The following PCDH8 variants were observed in gnomAD, a reference collection of about 807,000 sequenced individuals.
PCDH8 encodes protocadherin 8.
A neutral mutation model predicts 58.2 loss-of-function variants in PCDH8; 36 were observed. That is an observed-to-expected ratio of 0.62 (90% CI 0.47 to 0.82). PCDH8 has a LOEUF of 0.82. Ranked by LOEUF, PCDH8 falls within the 40% of genes least tolerant of loss-of-function variation. The pLI is 0.00. For synonymous variants in PCDH8, 775 were observed against 728.9 expected, an observed-to-expected ratio of 1.06 and a Z score of -1.02; for missense variants, 1,493 against 1,567.8, an observed-to-expected ratio of 0.95 and a Z score of 0.81.
rs765306356 is a variant in PCDH8 at position 52,846,065 on chromosome 13, C to A, written c.2372G>T (p.Arg791Leu). ...VRKGGALREE[R>L]PGAAGGGASA... is the part of the protein sequence containing the mutation. ...GGCTCCGCCGCCCGCCGCCCCGGGC[C>A]GCTCTTCCCGGAGGGCCCCCCCTTT... Residue 791 changes from arginine to leucine, a missense_variant, in exon 1 of 3, where the codon CGG becomes CTG. Arg to Leu is a moderately radical substitution (Grantham distance 102, BLOSUM62 -2). Coordinates refer to ENST00000377942, the MANE Select transcript of PCDH8 (RefSeq NM_002590.4). 22 of 1,536,332 alleles carry A rather than the reference C, an allele frequency of 1.4e-5. No homozygotes were observed. In the East Asian group the frequency reaches 3.7e-4, roughly 26 times the overall value.
chr13:52,847,145 A>G lies in PCDH8; in HGVS notation c.1292T>C (p.Leu431Pro). Residue 431 changes from leucine (L) to proline (P), a missense_variant, in exon 1 of 3, where the codon CTC becomes CCC. Physicochemically the swap from Leu to Pro is moderately conservative, Grantham distance 98. Coordinates refer to ENST00000377942, the MANE Select transcript of PCDH8 (RefSeq NM_002590.4). The stretch of plus-strand genomic sequence containing the variant: ...CAGCCGGAAGTGCTCGTGCCCATAG[A>G]GGGCGCAGCGCACTTGCCCGTTGGC... ...SGANGQVRCA[L>P]YGHEHFRLQP... The G allele has an allele frequency of 1.3e-6, 2 of 1,533,840 alleles. No homozygotes were observed. The highest frequency in any genetic ancestry group is 8.7e-7 in the Non-Finnish European group (1 of 1,148,464).
chr13:52,843,784 T>C lies in PCDH8; in HGVS notation c.*776A>G, dbSNP rs534983127. 6.6e-6 allele frequency: 1 copy of C among 152,352 alleles called. No individual in the cohort carries two copies. The highest frequency in any genetic ancestry group is 2.1e-4 in the South Asian group (1 of 4,830). The allele number at this position is 152,352 out of a possible 1,614,324, so 9.4% of individuals were successfully genotyped here. A position where few individuals can be genotyped will look rare whatever the true frequency, so the allele number is the denominator to read the frequency against. ...CTAATACATATGGAGATGCACATAA[T>C]TTATGAAATCAACACACGTTTTTAA... On this transcript the variant is annotated 3_prime_UTR_variant, in exon 3 of 3. Transcript: ENST00000377942.
chr13:52,847,491 G>T lies in PCDH8; in HGVS notation c.946C>A (p.Arg316Ser), dbSNP rs367929665. 9.7e-5 allele frequency: 154 copies of T among 1,591,234 alleles called. No individual in the cohort carries two copies. In the Middle Eastern group the frequency reaches 2.0e-3, roughly 21 times the overall value. ...ACGTCCAGCTCGTAGGTGTCCTGAC[G>T]CTCGTAGTCCACGGGCCCGGCCAGG... ...LTLAGPVDYE[R>S]QDTYELDVRA... Residue 316 changes from arginine (R) to serine (S), a missense_variant, in exon 1 of 3, where the codon CGT becomes AGT. This residue lies in a region of PCDH8 where 1,307 missense variants were observed against 1,362.7 expected (regional missense o/e 0.96). Coordinates refer to ENST00000377942, the MANE Select transcript of PCDH8 (RefSeq NM_002590.4).
chr13:52,844,748 G>C lies in PCDH8; in HGVS notation c.3025C>G (p.Pro1009Ala). ...ACGCTCTGCAGCCCCACTGTCTTGG[G>C]CAGCTGGGCCTGGTAGTAATTGTCC... ...RRDNYYQAQLPKTVGLQSVYE... is the reference protein window; with the variant it reads ...RRDNYYQAQLAKTVGLQSVYE... Residue 1009 changes from proline to alanine, a missense_variant, in exon 3 of 3, where the codon CCC becomes GCC. Pro to Ala is a conservative substitution (Grantham distance 27). Around this residue, in one of 3 missense-constraint regions of PCDH8, gnomAD observed 182 missense variants for 178.9 expected, o/e 1.02. Transcript: ENST00000377942. 1.9e-6 allele frequency: 3 copies of C among 1,613,578 alleles called. No homozygotes were observed. Among genetic ancestry groups the C allele is most frequent in the South Asian group, 1.1e-5 (1 of 91,006 alleles).
In PCDH8 at chr13:52,847,227, C is replaced by A; in HGVS notation, c.1210G>T (p.Gly404Trp). The stretch of plus-strand genomic sequence containing the variant: ...GCCACCAGGCTCTCGCGCGCCGCCC[C>A]CTCCGGCACCAGCGAAGTGGCACCA... ...EAGATSLVPE[G>W]AARESLVALV... The change falls in exon 1 of 3, where the codon GGG (glycine) becomes TGG (tryptophan). Residue 404 changes from glycine to tryptophan, a missense_variant. Gly to Trp is a radical substitution (Grantham distance 184). Coordinates refer to ENST00000377942, the MANE Select transcript of PCDH8 (RefSeq NM_002590.4). 1 of 1,397,294 alleles carries A rather than the reference C, an allele frequency of 7.2e-7. No individual in the cohort carries two copies. Among genetic ancestry groups the A allele is most frequent in the Non-Finnish European group, 9.2e-7 (1 of 1,083,180 alleles). 86.6% of individuals were successfully genotyped at this position (1,397,294 alleles called of 1,614,324 possible). A position where few individuals can be genotyped will look rare whatever the true frequency, so the allele number is the denominator to read the frequency against.
In PCDH8 at chr13:52,847,250, C is replaced by T. The variant is rs1311544959; in HGVS notation, c.1187G>A (p.Gly396Asp). The T allele has an allele frequency of 7.2e-7, 1 of 1,383,480 alleles. No individual in the cohort carries two copies. The highest frequency in any genetic ancestry group is 9.3e-7 in the Non-Finnish European group (1 of 1,075,532). 85.7% of individuals were successfully genotyped at this position (1,383,480 alleles called of 1,614,324 possible). A position where few individuals can be genotyped will look rare whatever the true frequency, so the allele number is the denominator to read the frequency against. The stretch of plus-strand genomic sequence containing the variant: ...CCCCTCCGGCACCAGCGAAGTGGCA[C>T]CAGCCTCCGGCGTCCCGGCTCCCGC... ...SPAGAGTPEA[G>D]ATSLVPEGAA... The change falls in exon 1 of 3, where the codon GGT becomes GAT. Residue 396 changes from glycine (G) to aspartate (D), a missense_variant. Gly to Asp is a moderately conservative substitution (Grantham distance 94). This residue lies in a region of PCDH8 where 1,307 missense variants were observed against 1,362.7 expected (regional missense o/e 0.96). Coordinates refer to ENST00000377942, the MANE Select transcript of PCDH8 (RefSeq NM_002590.4).
rs777553845 is a variant in PCDH8, at chr13:52,846,879, C to T, written c.1558G>A (p.Ala520Thr). 3 of 1,556,156 alleles carry T rather than the reference C, an allele frequency of 1.9e-6. No individual in the cohort carries two copies. The highest frequency in any genetic ancestry group is 1.7e-6 in the Non-Finnish European group (2 of 1,154,950). ...NPPGAYLATVAARDRDLGRNG... is the reference protein window; with the variant it reads ...NPPGAYLATVTARDRDLGRNG... Reference sequence around the variant, plus strand: ...CGGCCCAGGTCCCGGTCGCGGGCGGCCACCGTGGCCAGGTAGGCGCCTGGC... The same window carrying T: ...CGGCCCAGGTCCCGGTCGCGGGCGGTCACCGTGGCCAGGTAGGCGCCTGGC... The change falls in exon 1 of 3, where the codon GCC becomes ACC. Residue 520 changes from alanine to threonine, a missense_variant. Ala to Thr is a moderately conservative substitution (Grantham distance 58, BLOSUM62 0). Around this residue, in one of 3 missense-constraint regions of PCDH8, gnomAD observed 1,307 missense variants for 1,362.7 expected, o/e 0.96. Coordinates refer to ENST00000377942, the MANE Select transcript of PCDH8 (RefSeq NM_002590.4).
Position 52,847,535 on chromosome 13 carries a change from G to A in PCDH8, c.902C>T (p.Pro301Leu), listed in dbSNP as rs1256819677. 6.3e-7 allele frequency: 1 copy of A among 1,578,840 alleles called. No individual in the cohort carries two copies. The highest frequency in any genetic ancestry group is 1.1e-5 in the South Asian group (1 of 87,644). ...GGCCAGGGTGAGGCGGCCTGATCGC[G>A]GGTCAAGCCGAAAGAGGCGGCGCGC... is the stretch of plus-strand genomic sequence containing the variant. ...PEARRLFRLD[P>L]RSGRLTLAGP... Residue 301 changes from proline (P) to leucine (L), a missense_variant, in exon 1 of 3, where the codon CCG becomes CTG. Pro to Leu is a moderately conservative substitution (Grantham distance 98, BLOSUM62 -3). Coordinates refer to ENST00000377942, the MANE Select transcript of PCDH8 (RefSeq NM_002590.4).
Position 52,847,315 on chromosome 13 carries a change from G to GGCGGCA in PCDH8, c.1116_1121dup (p.Ala377_Ala378dup). 1 of 1,407,728 alleles carries GGCGGCA rather than the reference G, an allele frequency of 7.1e-7. No individual in the cohort carries two copies. The highest frequency in any genetic ancestry group is 1.6e-5 in the South Asian group (1 of 63,056). 87.2% of individuals were successfully genotyped at this position (1,407,728 alleles called of 1,614,324 possible). On this transcript the variant is annotated inframe_insertion, in exon 1 of 3. Coordinates refer to ENST00000377942, the MANE Select transcript of PCDH8 (RefSeq NM_002590.4). The stretch of plus-strand genomic sequence containing the variant: ...CCGCTCCCCCGAGTGCAGCGGCGGC[G>GGCGGCA]GCGGCAGCGGCGAAGGGTGAGGTTG...
Position 52,847,487 on chromosome 13 carries a change from T to G in PCDH8, c.950A>C (p.Gln317Pro). ...TLAGPVDYERQDTYELDVRAQ... is the reference protein window; with the variant it reads ...TLAGPVDYERPDTYELDVRAQ... ...CCGCACGTCCAGCTCGTAGGTGTCC[T>G]GACGCTCGTAGTCCACGGGCCCGGC... is the stretch of plus-strand genomic sequence containing the variant. The change falls in exon 1 of 3, where the codon CAG becomes CCG. Residue 317 changes from glutamine (Q) to proline (P), a missense_variant. By Grantham distance (76) the Gln-to-Pro change is moderately conservative (BLOSUM62 -1). Around this residue, in one of 3 missense-constraint regions of PCDH8, gnomAD observed 1,307 missense variants for 1,362.7 expected, o/e 0.96. Coordinates refer to ENST00000377942, the MANE Select transcript of PCDH8 (RefSeq NM_002590.4). 6.3e-7 allele frequency: 1 copy of G among 1,591,724 alleles called. No individual in the cohort carries two copies. The highest frequency in any genetic ancestry group is 8.5e-7 in the Non-Finnish European group (1 of 1,175,370).
Position 52,846,998 on chromosome 13 carries a change from A to G in PCDH8, c.1439T>C (p.Val480Ala). Reference sequence around the variant, plus strand: ...GCCCACACGCACCGTGTAGGGCCGCACTGTGCGCAGCGGGGGCGCGCCGCG... The same window carrying G: ...GCCCACACGCACCGTGTAGGGCCGCGCTGTGCGCAGCGGGGGCGCGCCGCG... ...EDRGAPPLRT[V>A]RPYTVRVGDE... The change falls in exon 1 of 3, where the codon GTG becomes GCG. Residue 480 changes from valine to alanine, a missense_variant. Around this residue, in one of 3 missense-constraint regions of PCDH8, gnomAD observed 1,307 missense variants for 1,362.7 expected, o/e 0.96. Transcript: ENST00000377942. The G allele has an allele frequency of 6.3e-7, 1 of 1,583,402 alleles. No homozygotes were observed.
Position 52,847,174 on chromosome 13 carries a change from C to T in PCDH8, c.1263G>A (p.Ser421=). Residue 421 remains serine, a synonymous_variant, in exon 1 of 3, where the codon TCG becomes TCA. Coordinates refer to ENST00000377942, the MANE Select transcript of PCDH8 (RefSeq NM_002590.4). ...CGCAGCGCACTTGCCCGTTGGCGCC[C>T]GAGTCCCTGTCCGAGGTGCTGACCA... The part of the protein sequence containing the change: ...VALVSTSDRD[S]GANGQVRCAL... 2.0e-6 allele frequency: 3 copies of T among 1,490,124 alleles called. No individual in the cohort carries two copies. Among genetic ancestry groups the T allele is most frequent in the South Asian group, 1.3e-5 (1 of 75,150 alleles). The allele number at this position is 1,490,124 out of a possible 1,614,324, so 92.3% of individuals were successfully genotyped here. A position where few individuals can be genotyped will look rare whatever the true frequency, so the allele number is the denominator to read the frequency against.
chr13:52,847,832 T>G lies in PCDH8; in HGVS notation c.605A>C (p.Glu202Ala). 6.7e-7 allele frequency: 1 copy of G among 1,496,144 alleles called. No individual in the cohort carries two copies. Among genetic ancestry groups the G allele is most frequent in the South Asian group, 1.3e-5 (1 of 75,852 alleles). 92.7% of individuals were successfully genotyped at this position (1,496,144 alleles called of 1,614,324 possible). Reference protein sequence around the residue: ...AQCADLVLLQELDRESQAAYS... With the variant: ...AQCADLVLLQALDRESQAAYS... ...GGCGGCCTGGCTCTCGCGGTCCAGC[T>G]CCTGCAGCAGCACCAGGTCTGCGCA... The change falls in exon 1 of 3, where the codon GAG becomes GCG. Residue 202 changes from glutamate to alanine, a missense_variant. Physicochemically the swap from Glu to Ala is moderately radical, Grantham distance 107. This residue lies in a region of PCDH8 where 1,307 missense variants were observed against 1,362.7 expected (regional missense o/e 0.96). Coordinates refer to ENST00000377942, the MANE Select transcript of PCDH8 (RefSeq NM_002590.4).
In PCDH8 at chr13:52,845,556, G is replaced by T. The variant is rs749587027; in HGVS notation, c.2708C>A (p.Thr903Asn). 10 of 1,614,194 alleles carry T rather than the reference G, an allele frequency of 6.2e-6. No homozygotes were observed. In the South Asian group the frequency reaches 9.9e-5, roughly 16 times the overall value. The change falls in exon 2 of 3, where the codon ACC becomes AAC. Residue 903 changes from threonine (T) to asparagine (N), a missense_variant. Thr to Asn is a moderately conservative substitution (Grantham distance 65). Around this residue, in one of 3 missense-constraint regions of PCDH8, gnomAD observed 1,307 missense variants for 1,362.7 expected, o/e 0.96. Coordinates refer to ENST00000377942, the MANE Select transcript of PCDH8 (RefSeq NM_002590.4). ...VAVWKGHSFN[T>N]ISGREAEKFS... ...CTTCTCTGCTTCTCTGCCAGAAATG[G>T]TGTTGAAGGAGTGTCCTTTCCACAC...
At position 52,848,046 on chromosome 13, in the gene PCDH8, G is replaced by T; in HGVS notation, c.391C>A (p.His131Asn). 1 of 1,611,798 alleles carries T rather than the reference G, an allele frequency of 6.2e-7. No homozygotes were observed. Among genetic ancestry groups the T allele is most frequent in the Non-Finnish European group, 8.5e-7 (1 of 1,179,016 alleles). The change falls in exon 1 of 3, where the codon CAC (histidine) becomes AAC (asparagine). Residue 131 changes from histidine (H) to asparagine (N), a missense_variant. Transcript: ENST00000377942. ...TGGGCCCTGGGGAAGCGCGGCGCGT[G>T]GTCGTTGACGTCCCTCACCTCTACC... ...VEVEVRDVND[H>N]APRFPRAQIP... is the part of the protein sequence containing the mutation.
rs778424589 is a variant in PCDH8, at chr13:52,844,565, C to G, written c.3208G>C (p.Val1070Leu). Residue 1070 changes from valine (V) to leucine (L), a missense_variant, in exon 3 of 3, where the codon GTG becomes CTG. Physicochemically the swap from Val to Leu is conservative, Grantham distance 32. This residue lies in a region of PCDH8 where 182 missense variants were observed against 178.9 expected (regional missense o/e 1.02). Coordinates refer to ENST00000377942, the MANE Select transcript of PCDH8 (RefSeq NM_002590.4). ...LSPKKGANEN[V>L] is the part of the protein sequence containing the mutation. ...TGAAGACATGCAGCATGGGATTACA[C>G]ATTTTCATTGGCTCCCTTCTTCGGG... 6.3e-7 allele frequency: 1 copy of G among 1,585,026 alleles called. No individual in the cohort carries two copies. Among genetic ancestry groups the G allele is most frequent in the Non-Finnish European group, 8.6e-7 (1 of 1,165,318 alleles).
rs1275094208 is a variant in PCDH8 at position 52,847,284 on chromosome 13, T to C, written c.1153A>G (p.Ser385Gly). ...AAAALGGADA[S>G]SPAGAGTPEA... ...GGCGTCCCGGCTCCCGCCGGCGAGC[T>C]AGCGTCCGCTCCCCCGAGTGCAGCG... Residue 385 changes from serine to glycine, a missense_variant, in exon 1 of 3, where the codon AGC (serine) becomes GGC (glycine). Physicochemically the swap from Ser to Gly is moderately conservative, Grantham distance 56. This residue lies in a region of PCDH8 where 1,307 missense variants were observed against 1,362.7 expected (regional missense o/e 0.96). Transcript: ENST00000377942. 1 of 1,382,112 alleles carries C rather than the reference T, an allele frequency of 7.2e-7. No homozygotes were observed. The highest frequency in any genetic ancestry group is 9.3e-7 in the Non-Finnish European group (1 of 1,074,220). The allele number at this position is 1,382,112 out of a possible 1,614,324, so 85.6% of individuals were successfully genotyped here. A position where few individuals can be genotyped will look rare whatever the true frequency, so the allele number is the denominator to read the frequency against.
Position 52,844,488 on chromosome 13 carries a change from C to T in PCDH8, c.*72G>A, listed in dbSNP as rs1329962078. 5 of 1,324,026 alleles carry T rather than the reference C, an allele frequency of 3.8e-6. No homozygotes were observed. The highest frequency in any genetic ancestry group is 3.0e-5 in the South Asian group (2 of 66,832). The allele number at this position is 1,324,026 out of a possible 1,614,324, so 82.0% of individuals were successfully genotyped here. ...ACATCTTGCATATTTATATATACAA[C>T]ACTGAAACCGGTCAATAACTTAGGG... On this transcript the variant is annotated 3_prime_UTR_variant, in exon 3 of 3. Transcript: ENST00000377942.
In PCDH8 at chr13:52,847,134, C is replaced by T. The variant is rs770366898; in HGVS notation, c.1303G>A (p.Glu435Lys). The T allele has an allele frequency of 1.3e-6, 2 of 1,544,896 alleles. No individual in the cohort carries two copies. The highest frequency in any genetic ancestry group is 1.4e-5 in the African/African-American group (1 of 70,938). ...TAGGCCGGCTGCAGCCGGAAGTGCT[C>T]GTGCCCATAGAGGGCGCAGCGCACT... ...GQVRCALYGHEHFRLQPAYAG... is the reference protein window; with the variant it reads ...GQVRCALYGHKHFRLQPAYAG... Residue 435 changes from glutamate (E) to lysine (K), a missense_variant, in exon 1 of 3, where the codon GAG becomes AAG. Glu to Lys is a moderately conservative substitution (Grantham distance 56, BLOSUM62 1). Around this residue, in one of 3 missense-constraint regions of PCDH8, gnomAD observed 1,307 missense variants for 1,362.7 expected, o/e 0.96. Coordinates refer to ENST00000377942, the MANE Select transcript of PCDH8 (RefSeq NM_002590.4).
Sources: gnomAD v4.1 joint callset for allele counts on GRCh38, gnomAD v4.1.1 for gene constraint, gnomAD v4.1.1 regional missense constraint, MANE v1.5 for transcripts, NCBI Gene and HGNC (gene_info 2026-07-23, HGNC 2026-07-21) for gene names.